The following COL5A2 variants were observed in gnomAD, a reference collection of about 807,000 sequenced individuals.
The protein encoded by COL5A2 is collagen alpha-2(V) chain.
A neutral mutation model predicts 208.2 loss-of-function variants in COL5A2; 23 were observed. The ratio of observed to expected loss-of-function variants is 0.11; its 90% CI spans 0.08 to 0.16. COL5A2 has a LOEUF of 0.16. Ranked by LOEUF, COL5A2 falls within the 10% of genes least tolerant of loss-of-function variation. The probability of loss-of-function intolerance (pLI) is 1.00; values close to 1 mark genes in which losing one functional copy is unlikely to be tolerated. For synonymous variants in COL5A2, 625 were observed against 628.5 expected, an observed-to-expected ratio of 0.99 and a Z score of 0.08; for missense variants, 1,590 against 1,956.4, an observed-to-expected ratio of 0.81 and a Z score of 3.53.
chr2:189,390,265 C>T, the COL5A2 span, among the ~76,000 whole-genome samples: 1 of 152,102 alleles, frequency 6.6e-6, no homozygotes, highest in Non-Finnish European at 1.5e-5. Context: ...TTTGGTCCTT[C>T]CAGCAAAGAT....
At chr2:189,277,901 T>C in the COL5A2 span, among the ~76,000 whole-genome samples, 1 of 152,100 alleles carries the variant, frequency 6.6e-6, no homozygotes, top group African/African-American at 2.4e-5. Context: ...CAGGAAAAAT[T>C]GAAATCTATT....
the COL5A2 span, among the ~76,000 whole-genome samples, chr2:189,365,143 C>G: frequency 6.6e-6 from 1 of 152,118 alleles, no homozygotes; most frequent in Non-Finnish European, 1.5e-5. Flanking sequence ...TTTTATTTCT[C>G]AGTTTAAATA....
At chr2:189,202,583 G>A (rs1689092122) in intron 1 of COL5A2, among the ~76,000 whole-genome samples, 1 of 152,122 alleles carries the variant, frequency 6.6e-6, no homozygotes, top group Non-Finnish European at 1.5e-5. Context: ...AAAATTGTGA[G>A]CTACTGAGCA....
chr2:189,270,686 G>T, the COL5A2 span, among the ~76,000 whole-genome samples: 1 of 151,966 alleles, frequency 6.6e-6, no homozygotes, highest in African/African-American at 2.4e-5. Context: ...AGAAATAAAG[G>T]GTATTCAAAT....
At chr2:189,393,368 GA>G in the COL5A2 span, among the ~76,000 whole-genome samples, 13 of 152,008 alleles carry the variant, frequency 8.6e-5, no homozygotes, top group African/African-American at 3.1e-4. Context: ...GTAGTCACTG[GA>G]AAACTTCATA....
At chr2:189,230,740 G>C in the COL5A2 span, among the ~76,000 whole-genome samples, 1 of 151,820 alleles carries the variant, frequency 6.6e-6, no homozygotes, top group Admixed American at 6.6e-5. Context: ...CGCACTGTTG[G>C]TAGAAATGTA....
intron 37 of COL5A2, 120 bp from the exon 38 acceptor site, chr2:189,053,597 T>C (rs940179877): frequency 1.1e-6 from 1 of 951,564 alleles, no homozygotes; most frequent in Admixed American, 2.1e-5. Context: ...ATTACACATA[T>C]TGCTTAAGGA....
the COL5A2 span, among the ~76,000 whole-genome samples, chr2:189,302,404 C>G: frequency 7.2e-4 from 109 of 152,280 alleles, 4 homozygotes; most frequent in South Asian, 0.022. Flanking sequence ...CTCTCAATTT[C>G]ACTCCAACAA....
the COL5A2 span, among the ~76,000 whole-genome samples, chr2:189,251,939 C>A: frequency 6.6e-6 from 1 of 152,040 alleles, no homozygotes; most frequent in East Asian, 1.9e-4. Context: ...ACCCCATCAA[C>A]AAGTGGGCGA....
At position 189,058,498 on chromosome 2, in the gene COL5A2, T is replaced by G. The variant is rs1685950244; in HGVS notation, c.2160A>C (p.Gly720=). The change falls in exon 33 of 54, where the codon GGA becomes GGC. Residue 720 remains glycine (G), a synonymous_variant. Coordinates refer to ENST00000374866, the MANE Select transcript of COL5A2 (RefSeq NM_000393.5). ...RGERGNPGER[G]EPGITGLPGE... ...CAGGGAGTCCAGTTATCCCAGGTTC[T>G]CCTCTTTCCCCAGGATTTCCTCGTT... The G allele has an allele frequency of 6.2e-7, 1 of 1,613,918 alleles. No individual in the cohort carries two copies.
At chr2:189,157,467 C>A (rs974818674) in intron 1 of COL5A2, among the ~76,000 whole-genome samples, 1 of 151,806 alleles carries the variant, frequency 6.6e-6, no homozygotes, top group Admixed American at 6.6e-5. Flanking sequence ...AATATGATTT[C>A]ATCATATATC....
chr2:189,120,929 A>C (rs1687487850), intron 1 of COL5A2, among the ~76,000 whole-genome samples: 1 of 152,338 alleles, frequency 6.6e-6, no homozygotes, highest in East Asian at 1.9e-4. Context: ...AATATTGTTT[A>C]TTTATTCAAC....
chr2:189,091,033 C>A (rs922290021), intron 7 of COL5A2, among the ~76,000 whole-genome samples: 3 of 152,140 alleles, frequency 2.0e-5, no homozygotes, highest in Admixed American at 1.3e-4. Context: ...AATTGAGAAT[C>A]TTCTGGAAAG....
intron 7 of COL5A2, among the ~76,000 whole-genome samples, chr2:189,090,625 G>T (rs963645914): frequency 1.3e-5 from 2 of 152,192 alleles, no homozygotes; most frequent in Admixed American, 1.3e-4. Flanking sequence ...CTTGTTAGGG[G>T]TTAATGCAGC....
chr2:189,264,399 A>G, the COL5A2 span, among the ~76,000 whole-genome samples: 24 of 152,282 alleles, frequency 1.6e-4, no homozygotes, highest in African/African-American at 5.5e-4. Context: ...AGCTTTTTGA[A>G]GCAACATAGA....
At chr2:189,115,406 G>GA in intron 1 of COL5A2, among the ~76,000 whole-genome samples, 1 of 141,400 alleles carries the variant, frequency 7.1e-6, no homozygotes. Flanking sequence ...CACCTGTGGG[G>GA]GAAAAAAAAA....
At position 189,079,980 on chromosome 2, in the gene COL5A2, T is replaced by C; in HGVS notation, c.958A>G (p.Lys320Glu). 6.2e-7 allele frequency: 1 copy of C among 1,612,160 alleles called. No individual in the cohort carries two copies. The highest frequency in any genetic ancestry group is 8.5e-7 in the Non-Finnish European group (1 of 1,178,342). Residue 320 changes from lysine (K) to glutamate (E), a missense_variant and splice_region_variant, in exon 14 of 54, where the codon AAG becomes GAG. Lys to Glu is a moderately conservative substitution (Grantham distance 56). Transcript: ENST00000374866. Reference sequence around the variant, plus strand: ...CAGTGAGATAATTATAAGATTACCTTGGAACCAGGTGCTCCAACTTCACCT... The same window carrying C: ...CAGTGAGATAATTATAAGATTACCTCGGAACCAGGTGCTCCAACTTCACCT... ...PKGEVGAPGS[K>E]GEAGPTGPMG...
At chr2:189,282,078 C>A in the COL5A2 span, among the ~76,000 whole-genome samples, 3 of 152,024 alleles carry the variant, frequency 2.0e-5, no homozygotes, top group Admixed American at 1.3e-4. Context: ...CCAGCCACTC[C>A]GGAGGCTGAG....
rs541711311 is a variant in COL5A2, at chr2:189,060,749, C to T, written c.2066G>A (p.Gly689Asp). 1.9e-6 allele frequency: 3 copies of T among 1,613,526 alleles called. No homozygotes were observed. In the South Asian group the frequency reaches 3.3e-5, roughly 18 times the overall value. The change falls in exon 31 of 54, where the codon GGT (glycine) becomes GAT (aspartate). Residue 689 changes from glycine (G) to aspartate (D), a missense_variant. By Grantham distance (94) the Gly-to-Asp change is moderately conservative. Transcript: ENST00000374866. ...LPGPPGPPGEGGKPGDQGVPG... is the reference protein window; with the variant it reads ...LPGPPGPPGEDGKPGDQGVPG... ...ACTTACTTGATCACCTGGTTTTCCA[C>T]CTTCTCCAGGAGGCCCTGGAGGACC...
Sources: allele counts gnomAD v4.1 joint callset (sites outside exome capture counted in the v4.1 genomes callset), GRCh38; gene constraint gnomAD v4.1.1; transcripts MANE v1.5; gene names NCBI Gene and HGNC (gene_info 2026-07-23, HGNC 2026-07-21).